Variants in HIPK2 observed in about 807,000 individuals in gnomAD.
The protein encoded by HIPK2 is homeodomain-interacting protein kinase 2.
HIPK2 carries 27 observed loss-of-function variants against 113.7 expected under a neutral mutation model. The observed-to-expected ratio is 0.24, with a 90% CI of 0.17 to 0.33. The LOEUF is 0.33. Ranked by LOEUF, HIPK2 falls within the 10% of genes least tolerant of loss-of-function variation. The pLI, the probability that HIPK2 is intolerant of heterozygous loss-of-function variation, is 1.00. For missense variants in HIPK2, 1,257 were observed against 1,588.0 expected (o/e 0.79, Z 3.54); for synonymous variants, 631 against 642.2 (o/e 0.98, Z 0.26).
At chr7:139,656,626 C>T (rs186621344) in intron 2 of HIPK2, among the ~76,000 whole-genome samples, 372 of 152,278 alleles carry the variant, frequency 2.4e-3, no homozygotes, top group African/African-American at 8.7e-3. Flanking sequence ...ACCAACTTGC[C>T]TATCACACGG....
intron 1 of HIPK2, among the ~76,000 whole-genome samples, chr7:139,717,729 GTTTTT>G (rs57555288): frequency 1.3e-5 from 2 of 150,482 alleles, no homozygotes; most frequent in Non-Finnish European, 3.0e-5. Flanking sequence ...ATTTCTTTTT[GTTTTT>G]TTTTGTTTGT....
At chr7:139,687,452 G>T (rs1054329246) in intron 2 of HIPK2, among the ~76,000 whole-genome samples, 1 of 152,164 alleles carries the variant, frequency 6.6e-6, no homozygotes, top group East Asian at 1.9e-4. Flanking sequence ...TATCTCTGAG[G>T]TATTTATAAT....
At chr7:139,622,125 C>T (rs527472248) in intron 6 of HIPK2, among the ~76,000 whole-genome samples, 9 of 152,256 alleles carry the variant, frequency 5.9e-5, no homozygotes, top group Admixed American at 5.9e-4. Flanking sequence ...TGTCTGTGGG[C>T]TATTCCCAAA....
rs200815026 is a variant in HIPK2, at chr7:139,676,862, T to A, written c.1103+39070A>T. Among the ~76,000 whole-genome samples the A allele has an allele frequency of 3.5e-5, 2 of 57,082 alleles. 1 individual carries two copies. The highest frequency in any genetic ancestry group is 9.9e-5 in the Non-Finnish European group (2 of 20,182). 37.4% of individuals were successfully genotyped at this position (57,082 alleles called of 152,430 possible). A position where few individuals can be genotyped will look rare whatever the true frequency, so the allele number is the denominator to read the frequency against. ...AGAACCATAGTATTTCTTTTTTTCT[T>A]TTTCTTTTTTTTTTTTTTGAGATAG... On this transcript the variant is annotated intron_variant, in intron 2 of 14. Coordinates refer to ENST00000406875, the MANE Select transcript of HIPK2 (RefSeq NM_022740.5).
chr7:139,576,818 G>A (rs1337677134), intron 13 of HIPK2, among the ~76,000 whole-genome samples: 2 of 152,202 alleles, frequency 1.3e-5, no homozygotes, highest in Admixed American at 6.5e-5. Context: ...AGCCCAGCAG[G>A]GGCAAGAGCC....
chr7:139,563,530 A>T lies in HIPK2; in HGVS notation c.*9397T>A, dbSNP rs1430502458. ...GAGGCAGAGCCCTTTTTCAGATACA[A>T]CATACTTACTTTTCAAATGAACAAA... On this transcript the variant is annotated 3_prime_UTR_variant, in exon 15 of 15. Transcript: ENST00000406875. 2 of 256,576 alleles carry T rather than the reference A, an allele frequency of 7.8e-6. No homozygotes were observed. The highest frequency in any genetic ancestry group is 1.5e-5 in the Non-Finnish European group (2 of 137,160). The allele number at this position is 256,576 out of a possible 1,614,324, so 15.9% of individuals were successfully genotyped here.
intron 10 of HIPK2, 98 bp downstream of exon 10, chr7:139,603,983 G>A (rs968082409): frequency 1.2e-5 from 18 of 1,512,152 alleles, no homozygotes; most frequent in Non-Finnish European, 1.5e-5. Context: ...ACAAACCGGG[G>A]AATTGAAGTA....
chr7:139,681,335 AG>A (rs1437197633), intron 2 of HIPK2, among the ~76,000 whole-genome samples: 1 of 152,144 alleles, frequency 6.6e-6, no homozygotes, highest in African/African-American at 2.4e-5. Context: ...GTGGGAGAGG[AG>A]GGAGGACACA....
At chr7:139,588,331 C>T (rs1000213764) in intron 12 of HIPK2, among the ~76,000 whole-genome samples, 2 of 150,330 alleles carry the variant, frequency 1.3e-5, no homozygotes, top group African/African-American at 4.9e-5. Context: ...ACCGCGCTGG[C>T]CCCCTGCTGA....
At chr7:139,676,866 CTT>C (rs11307517) in intron 2 of HIPK2, among the ~76,000 whole-genome samples, 105 of 145,232 alleles carry the variant, frequency 7.2e-4, no homozygotes, top group Admixed American at 1.2e-3. Flanking sequence ...TTTTCTTTTT[CTT>C]TTTTTTTTTT....
At chr7:139,724,835 T>C (rs1795523496) in intron 1 of HIPK2, among the ~76,000 whole-genome samples, 3 of 151,982 alleles carry the variant, frequency 2.0e-5, no homozygotes, top group Non-Finnish European at 2.9e-5. Flanking sequence ...TCCAATTTCA[T>C]CTTGCAGCAC....
intron 2 of HIPK2, among the ~76,000 whole-genome samples, chr7:139,685,086 G>A (rs1169807476): frequency 6.6e-6 from 1 of 152,252 alleles, no homozygotes; most frequent in African/African-American, 2.4e-5. Flanking sequence ...GCAAAGGGAA[G>A]CAGCAAGTGC....
intron 2 of HIPK2, among the ~76,000 whole-genome samples, chr7:139,651,239 C>T (rs1455290729): frequency 6.6e-6 from 1 of 152,120 alleles, no homozygotes; most frequent in African/African-American, 2.4e-5. Context: ...AAAACACAGC[C>T]TGAGGAGGAC....
chr7:139,584,779 C>T (rs941484981), intron 12 of HIPK2, among the ~76,000 whole-genome samples: 17 of 152,200 alleles, frequency 1.1e-4, no homozygotes, highest in African/African-American at 3.9e-4. Flanking sequence ...ACTGCCTGGG[C>T]CAAGGGATCG....
intron 2 of HIPK2, among the ~76,000 whole-genome samples, chr7:139,656,601 C>T (rs920719073): frequency 6.6e-6 from 1 of 152,220 alleles, no homozygotes; most frequent in Non-Finnish European, 1.5e-5. Flanking sequence ...CATCATCCCA[C>T]AGCTTTCCTC....
At chr7:139,750,142 C>T (rs751836201) in intron 1 of HIPK2, among the ~76,000 whole-genome samples, 1 of 152,196 alleles carries the variant, frequency 6.6e-6, no homozygotes, top group Non-Finnish European at 1.5e-5. Flanking sequence ...ATAAAGATGA[C>T]GGTGTCCCTG....
intron 9 of HIPK2, among the ~76,000 whole-genome samples, chr7:139,606,952 G>A (rs1444928929): frequency 6.6e-6 from 1 of 152,156 alleles, no homozygotes; most frequent in Non-Finnish European, 1.5e-5. Context: ...AACAGTGTGG[G>A]AATCAGAAGA....
chr7:139,620,523 G>C lies in HIPK2; in HGVS notation c.1660C>G (p.Arg554Gly). Reference protein sequence around the residue: ...CFQNMEICKRRVNMYDTVNQS... With the variant: ...CFQNMEICKRGVNMYDTVNQS... ...TTCACCGTGTCATACATATTCACCCGACGCTTGCAGATCTCCATGTTCTGG... is the reference window on the plus strand; with the variant it reads ...TTCACCGTGTCATACATATTCACCCCACGCTTGCAGATCTCCATGTTCTGG... The change falls in exon 7 of 15, where the codon CGG (arginine) becomes GGG (glycine). Residue 554 changes from arginine to glycine, a missense_variant. Physicochemically the swap from Arg to Gly is moderately radical, Grantham distance 125. Around this residue, in one of 5 missense-constraint regions of HIPK2, gnomAD observed 862 missense variants for 1,004.3 expected, o/e 0.86. Coordinates refer to ENST00000406875, the MANE Select transcript of HIPK2 (RefSeq NM_022740.5). The C allele has an allele frequency of 6.2e-7, 1 of 1,614,084 alleles. No homozygotes were observed. The highest frequency in any genetic ancestry group is 8.5e-7 in the Non-Finnish European group (1 of 1,180,020).
At chr7:139,723,275 C>T (rs1795470557) in intron 1 of HIPK2, among the ~76,000 whole-genome samples, 2 of 151,006 alleles carry the variant, frequency 1.3e-5, no homozygotes, top group Non-Finnish European at 2.9e-5. Flanking sequence ...CTCACCACAA[C>T]CTCTGCCTCT....
Sources: gnomAD v4.1 joint callset for allele counts (sites outside exome capture counted in the v4.1 genomes callset) on GRCh38, gnomAD v4.1.1 for gene constraint, gnomAD v4.1.1 regional missense constraint, MANE v1.5 for transcripts, NCBI Gene and HGNC (gene_info 2026-07-23, HGNC 2026-07-21) for gene names.